PPEF2: variants seen among roughly 807,000 people sequenced by gnomAD.
PPEF2 encodes the protein serine/threonine-protein phosphatase with EF-hands 2.
PPEF2 carries 84 observed loss-of-function variants against 84.7 expected under a neutral mutation model. The ratio of observed to expected loss-of-function variants is 0.99; its 90% CI spans 0.83 to 1.19. The LOEUF is 1.19. Among genes scored for constraint, PPEF2 ranks in the 50% most tolerant of loss-of-function variants. PPEF2 has a pLI of 0.00. For synonymous variants in PPEF2, 346 were observed against 345.2 expected (o/e 1.00, Z -0.03); for missense variants, 924 against 937.5 (o/e 0.99, Z 0.19).
chr4:75,889,829 A>G, intron 5 of PPEF2, 128 bp downstream of exon 5: 7 of 1,038,174 alleles, frequency 6.7e-6, no homozygotes, highest in Non-Finnish European at 1.0e-5. Flanking sequence ...CAGCAGGGGT[A>G]GAATCTCTCT....
chr4:75,871,354 A>G (rs1418592717), intron 13 of PPEF2, among the ~76,000 whole-genome samples: 2 of 152,212 alleles, frequency 1.3e-5, no homozygotes, highest in Non-Finnish European at 2.9e-5. Context: ...TTGTAGGGGT[A>G]ACACAAACCC....
At chr4:75,884,229 G>A (rs1724660403) in intron 8 of PPEF2, among the ~76,000 whole-genome samples, 2 of 152,088 alleles carry the variant, frequency 1.3e-5, no homozygotes, top group South Asian at 4.1e-4. Context: ...TCAGGAGTTT[G>A]AGACCAGCCT....
chr4:75,890,504 A>AAAAAAAG (rs1337991613), intron 4 of PPEF2, among the ~76,000 whole-genome samples: 1 of 151,514 alleles, frequency 6.6e-6, no homozygotes, highest in African/African-American at 2.4e-5. Context: ...AAAAAAAAAA[A>AAAAAAAG]AGTCCTTCCC....
At chr4:75,890,536 G>C (rs964716514) in intron 4 of PPEF2, among the ~76,000 whole-genome samples, 3 of 151,538 alleles carry the variant, frequency 2.0e-5, no homozygotes, top group Non-Finnish European at 4.4e-5. Context: ...AGCAGGACAT[G>C]GTTAATCTGG....
Position 75,876,457 on chromosome 4 carries a change from G to A in PPEF2, c.1150C>T (p.Arg384Trp), listed in dbSNP as rs780202368. 10 of 1,614,006 alleles carry A rather than the reference G, an allele frequency of 6.2e-6. No individual in the cohort carries two copies. Among genetic ancestry groups the A allele is most frequent in the Middle Eastern group, 1.7e-4 (1 of 6,054 alleles). ...CTCCGCACCTGCCGGGAGAGCTCCC[G>A]CCCGTCCAGGGAACCGCTGCAGGGG... ...SIPCSGSLDG[R>W]ELSRQVRSSV... Residue 384 changes from arginine (R) to tryptophan (W), a missense_variant, in exon 11 of 17, where the codon CGG becomes TGG. Coordinates refer to ENST00000286719, the MANE Select transcript of PPEF2 (RefSeq NM_006239.3).
At chr4:75,877,378 GAGAGAAAGA>G (rs1180034737) in intron 10 of PPEF2, among the ~76,000 whole-genome samples, 11 of 5,254 alleles carry the variant, frequency 2.1e-3, no homozygotes, top group South Asian at 0.059. Flanking sequence ...GAGAAAGAAA[GAGAGAAAGA>G]AAGAAGAGGA....
chr4:75,883,459 A>T, intron 8 of PPEF2: 1 of 488,234 alleles, frequency 2.0e-6, no homozygotes, highest in Non-Finnish European at 3.6e-6. Context: ...TTTATATGAT[A>T]GAGTATGTGT....
rs770443706 is a variant in PPEF2 at position 75,876,496 on chromosome 4, T to C, written c.1111A>G (p.Arg371Gly). The C allele has an allele frequency of 4.3e-6, 7 of 1,614,040 alleles. No individual in the cohort carries two copies. In the Admixed American group the frequency reaches 1.0e-4, roughly 23 times the overall value. ...LGSYKAQKTS[R>G]SSSIPCSGSL... ...CCGCTGCAGGGGATGCTGGAGGACC[T>C]GCTGGTTTTCTGGGCCTTGTAGGAG... Residue 371 changes from arginine to glycine, a missense_variant, in exon 11 of 17, where the codon AGG (arginine) becomes GGG (glycine). By Grantham distance (125) the Arg-to-Gly change is moderately radical (BLOSUM62 -2). Transcript: ENST00000286719.
intron 1 of PPEF2, among the ~76,000 whole-genome samples, chr4:75,900,726 A>G (rs1321971832): frequency 6.6e-6 from 1 of 152,210 alleles, no homozygotes; most frequent in Non-Finnish European, 1.5e-5. Flanking sequence ...AAAATCTCTT[A>G]AAGTTCTTCT....
At chr4:75,873,765 G>A (rs773826856) in intron 11 of PPEF2, among the ~76,000 whole-genome samples, 37 of 151,968 alleles carry the variant, frequency 2.4e-4, no homozygotes, top group East Asian at 5.8e-4. Flanking sequence ...AAATGCAATC[G>A]ACATTTTATT....
chr4:75,882,443 C>G (rs569052529), intron 10 of PPEF2, among the ~76,000 whole-genome samples: 1 of 152,144 alleles, frequency 6.6e-6, no homozygotes, highest in African/African-American at 2.4e-5. Context: ...GCAGATAACA[C>G]GGCACTGGTT....
intron 10 of PPEF2, chr4:75,882,665 G>C (rs1243280080): frequency 6.2e-6 from 2 of 320,318 alleles, no homozygotes; most frequent in African/African-American, 4.3e-5. Context: ...TCCCAGCTAA[G>C]TTTTTAATTT....
At chr4:75,888,161 A>G in intron 6 of PPEF2, 53 bp downstream of exon 6, 2 of 1,347,794 alleles carry the variant, frequency 1.5e-6, no homozygotes, top group Middle Eastern at 2.0e-4. Flanking sequence ...CCACACAGGT[A>G]GAGCATTCTT....
At chr4:75,867,532 C>T (rs1381993390) in intron 13 of PPEF2, 113 bp from the exon 14 acceptor site, 1 of 771,718 alleles carries the variant, frequency 1.3e-6, no homozygotes, top group Non-Finnish European at 2.1e-6. Flanking sequence ...CCCAAGAGCT[C>T]AGTTTTCGAG....
intron 16 of PPEF2, 82 bp downstream of exon 16, chr4:75,864,358 G>A: frequency 9.4e-7 from 1 of 1,061,538 alleles, no homozygotes; most frequent in East Asian, 2.4e-5. Context: ...AGATGAATGA[G>A]GATGAATCAG....
At chr4:75,866,824 C>A (rs933320521) in intron 14 of PPEF2, among the ~76,000 whole-genome samples, 6 of 152,130 alleles carry the variant, frequency 3.9e-5, no homozygotes, top group African/African-American at 1.4e-4. Flanking sequence ...AGTATGTGTA[C>A]GTGAAAAGAT....
chr4:75,872,614 G>T (rs190830335), intron 12 of PPEF2, among the ~76,000 whole-genome samples: 45 of 152,282 alleles, frequency 3.0e-4, no homozygotes, highest in African/African-American at 1.0e-3. Flanking sequence ...CAGTCAATAC[G>T]TTGGGAAATG....
At chr4:75,900,946 A>G (rs903202206) in intron 1 of PPEF2, among the ~76,000 whole-genome samples, 1 of 152,228 alleles carries the variant, frequency 6.6e-6, no homozygotes, top group Admixed American at 6.5e-5. Flanking sequence ...CATCTGTATA[A>G]AAAAAGTCAG....
chr4:75,863,197 T>C (rs935201980), intron 16 of PPEF2, among the ~76,000 whole-genome samples: 7 of 151,604 alleles, frequency 4.6e-5, no homozygotes, highest in African/African-American at 1.7e-4. Context: ...TCTGGGGTGA[T>C]TAAAATGTTC....
Sources: gnomAD v4.1 joint callset for allele counts (sites outside exome capture counted in the v4.1 genomes callset) on GRCh38, gnomAD v4.1.1 for gene constraint, MANE v1.5 for transcripts, NCBI Gene and HGNC (gene_info 2026-07-23, HGNC 2026-07-21) for gene names.